The following RSRC1 variants were observed in gnomAD, a reference collection of about 807,000 sequenced individuals.
RSRC1 encodes arginine and serine rich coiled-coil 1.
In RSRC1, 39 loss-of-function variants were observed where a neutral mutation model predicts 49.1. That is an observed-to-expected ratio of 0.79 (90% confidence interval 0.61 to 1.04). RSRC1 has a LOEUF of 1.04. RSRC1 is among the 50% of genes least tolerant of loss of function. The pLI, the probability that RSRC1 is intolerant of heterozygous loss-of-function variation, is 0.00. For missense variants in RSRC1, 388 were observed against 402.4 expected, an observed-to-expected ratio of 0.96 and a Z score of 0.31; for synonymous variants, 143 against 130.8, an observed-to-expected ratio of 1.09 and a Z score of -0.63.
At chr3:158,369,831 C>T (rs554074477) in intron 6 of RSRC1, among the ~76,000 whole-genome samples, 3 of 152,050 alleles carry the variant, frequency 2.0e-5, no homozygotes, top group East Asian at 3.9e-4. Context: ...ATTCCAAGAC[C>T]TGTGAATTCA....
chr3:158,196,256 G>A (rs1720606232), intron 3 of RSRC1, among the ~76,000 whole-genome samples: 1 of 151,846 alleles, frequency 6.6e-6, no homozygotes, highest in Non-Finnish European at 1.5e-5. Flanking sequence ...TATTCTCTTT[G>A]AAGCAATTGT....
chr3:158,505,213 G>T (rs1485596995), intron 7 of RSRC1, among the ~76,000 whole-genome samples: 2 of 152,036 alleles, frequency 1.3e-5, no homozygotes, highest in African/African-American at 4.8e-5. Flanking sequence ...GACTTTCATA[G>T]GTACTGCAGC....
chr3:158,421,250 G>C (rs1254826144), intron 6 of RSRC1, among the ~76,000 whole-genome samples: 2 of 151,864 alleles, frequency 1.3e-5, no homozygotes, highest in Non-Finnish European at 2.9e-5. Flanking sequence ...TAAGAAGATA[G>C]GCAAAGAATA....
chr3:158,498,751 G>T (rs1197602889), intron 7 of RSRC1, among the ~76,000 whole-genome samples: 1 of 152,132 alleles, frequency 6.6e-6, no homozygotes, highest in African/African-American at 2.4e-5. Flanking sequence ...TTTGTACAAG[G>T]TAAGAGATGA....
intron 7 of RSRC1, 115 bp from the exon 8 acceptor site, chr3:158,536,977 A>C: frequency 1.5e-6 from 1 of 668,740 alleles, no homozygotes; most frequent in Non-Finnish European, 2.6e-6. Flanking sequence ...GTTATAGCTT[A>C]ATTTATAATG....
At chr3:158,276,008 G>A in intron 4 of RSRC1, 2 of 819,588 alleles carry the variant, frequency 2.4e-6, no homozygotes, top group South Asian at 2.6e-5. Flanking sequence ...ATAGTATTAT[G>A]GAATGGATTA....
intron 6 of RSRC1, among the ~76,000 whole-genome samples, chr3:158,441,140 T>G (rs1736359831): frequency 6.6e-6 from 1 of 152,082 alleles, no homozygotes; most frequent in African/African-American, 2.4e-5. Flanking sequence ...CTACAGTCTG[T>G]TGGAATGTTA....
chr3:158,369,561 T>C (rs1731955962), intron 6 of RSRC1, among the ~76,000 whole-genome samples: 1 of 152,146 alleles, frequency 6.6e-6, no homozygotes, highest in African/African-American at 2.4e-5. Context: ...CTTTTTTCTT[T>C]CATAATAACA....
intron 6 of RSRC1, among the ~76,000 whole-genome samples, chr3:158,454,566 T>G (rs1737214024): frequency 6.6e-6 from 1 of 152,130 alleles, no homozygotes; most frequent in Non-Finnish European, 1.5e-5. Context: ...ATGGTCAAAA[T>G]TTAGTTACCA....
intron 6 of RSRC1, among the ~76,000 whole-genome samples, chr3:158,413,696 C>T (rs905254805): frequency 7.9e-5 from 12 of 151,912 alleles, no homozygotes; most frequent in African/African-American, 2.9e-4. Flanking sequence ...AGATACTTCT[C>T]AAAAGAAGAC....
intron 3 of RSRC1, among the ~76,000 whole-genome samples, chr3:158,185,568 C>G (rs1719882580): frequency 6.6e-6 from 1 of 151,792 alleles, no homozygotes; most frequent in South Asian, 2.1e-4. Context: ...ATTCATTCTA[C>G]TCCTATATTT....
At chr3:158,336,404 T>G (rs967979578) in intron 5 of RSRC1, 1 of 152,766 alleles carries the variant, frequency 6.5e-6, no homozygotes, top group Non-Finnish European at 1.5e-5. Flanking sequence ...ATAGCTGGGC[T>G]TTGTGGGATT....
chr3:158,226,575 C>T (rs1322516478), intron 4 of RSRC1, among the ~76,000 whole-genome samples: 1 of 151,798 alleles, frequency 6.6e-6, no homozygotes, highest in African/African-American at 2.4e-5. Flanking sequence ...ATCTGTGTGC[C>T]CTGTGTCTAG....
intron 5 of RSRC1, among the ~76,000 whole-genome samples, chr3:158,305,681 C>T (rs1055197641): frequency 1.5e-4 from 23 of 152,042 alleles, no homozygotes; most frequent in African/African-American, 4.6e-4. Context: ...AGATGGAGAA[C>T]GCCTTTGCCA....
At chr3:158,119,955 T>A (rs1265882030) in intron 1 of RSRC1, among the ~76,000 whole-genome samples, 1 of 150,632 alleles carries the variant, frequency 6.6e-6, no homozygotes, top group Non-Finnish European at 1.5e-5. Flanking sequence ...CTCAGACTAC[T>A]GAGTAGCTGA....
At chr3:158,119,688 T>C (rs1322156898) in intron 1 of RSRC1, among the ~76,000 whole-genome samples, 1 of 146,948 alleles carries the variant, frequency 6.8e-6, no homozygotes, top group Non-Finnish European at 1.5e-5. Context: ...TATGTATATA[T>C]TTTATGTATA....
intron 4 of RSRC1, among the ~76,000 whole-genome samples, chr3:158,250,464 C>T (rs1026644594): frequency 1.3e-5 from 2 of 152,180 alleles, no homozygotes; most frequent in Non-Finnish European, 2.9e-5. Context: ...TCTTCACATA[C>T]TCACCAGCAT....
chr3:158,265,156 T>C (rs950476599), intron 4 of RSRC1, among the ~76,000 whole-genome samples: 3 of 152,238 alleles, frequency 2.0e-5, no homozygotes, highest in African/African-American at 4.8e-5. Context: ...CAGGCCTTCA[T>C]ACTTTGTTTC....
chr3:158,465,417 C>T (rs980435844), intron 7 of RSRC1, among the ~76,000 whole-genome samples: 1 of 152,152 alleles, frequency 6.6e-6, no homozygotes, highest in African/African-American at 2.4e-5. Flanking sequence ...TTTCCCTCCA[C>T]TGTGGTTCAT....
Sources: allele counts gnomAD v4.1 joint callset (sites outside exome capture counted in the v4.1 genomes callset), GRCh38; gene constraint gnomAD v4.1.1; transcripts MANE v1.5; gene names NCBI Gene and HGNC (gene_info 2026-07-23, HGNC 2026-07-21).